The following CTNNA3 variants were observed in gnomAD, a reference collection of about 807,000 sequenced individuals.
CTNNA3 encodes the protein catenin alpha 3, also known as catenin alpha-3.
Under a neutral mutation model 95.7 loss-of-function variants are expected in CTNNA3, and 76 were observed. The observed-to-expected ratio is 0.79, with a 90% CI of 0.66 to 0.96. CTNNA3 has a LOEUF of 0.96. CTNNA3 is among the 40% of genes least tolerant of loss of function. The probability of loss-of-function intolerance (pLI) is 0.00; values close to 1 mark genes in which losing one functional copy is unlikely to be tolerated. For missense variants in CTNNA3, 1,191 were observed against 1,089.8 expected (o/e 1.09, Z -1.31); for synonymous variants, 431 against 374.4 (o/e 1.15, Z -1.74).
At position 67,119,057 on chromosome 10, in the gene CTNNA3, A is replaced by G. The variant is rs147497505; in HGVS notation, c.1047+61260T>C. 5.5e-3 allele frequency among the ~76,000 whole-genome samples: 843 copies of G among 152,072 alleles called. 7 individuals are homozygous for G. The highest frequency in any genetic ancestry group is 0.019 in the African/African-American group (789 of 41,558). On this transcript the variant is annotated intron_variant, in intron 7 of 17. Coordinates refer to ENST00000433211, the MANE Select transcript of CTNNA3 (RefSeq NM_013266.4). ...TGTTTGGGACTAAGAAAGTAGGCCAATATAACTGGAGTAAAGCCAAATACT... is the reference window on the plus strand; with the variant it reads ...TGTTTGGGACTAAGAAAGTAGGCCAGTATAACTGGAGTAAAGCCAAATACT...
intron 7 of CTNNA3, among the ~76,000 whole-genome samples, chr10:67,135,032 G>T (rs1001459908): frequency 1.4e-4 from 21 of 152,112 alleles, no homozygotes; most frequent in African/African-American, 5.1e-4. Context: ...AGATAGAGGG[G>T]TAATGTTCCT....
At chr10:66,131,209 A>T (rs183469724) in intron 13 of CTNNA3, among the ~76,000 whole-genome samples, 2 of 152,216 alleles carry the variant, frequency 1.3e-5, no homozygotes, top group Admixed American at 1.3e-4. Context: ...CCCCTCTTCA[A>T]CTCAATCTAT....
chr10:65,959,118 G>T (rs2077790027), intron 17 of CTNNA3, among the ~76,000 whole-genome samples: 1 of 152,144 alleles, frequency 6.6e-6, no homozygotes, highest in Non-Finnish European at 1.5e-5. Flanking sequence ...CAGCCTTGCT[G>T]CCACCTTGCA....
intron 10 of CTNNA3, among the ~76,000 whole-genome samples, chr10:66,552,371 C>G (rs927880914): frequency 2.6e-5 from 4 of 152,100 alleles, no homozygotes; most frequent in African/African-American, 9.7e-5. Flanking sequence ...TACAACTGGG[C>G]CCACTTTGGG....
rs1226965869 is a variant in CTNNA3 at position 67,673,499 on chromosome 10, G to A, written c.-6+22501C>T. 5.3e-5 allele frequency among the ~76,000 whole-genome samples: 8 copies of A among 151,718 alleles called. No individual in the cohort carries two copies. The East Asian group carries it at 1.6e-3, about 30-fold the overall frequency. On this transcript the variant is annotated intron_variant, in intron 1 of 17. Transcript: ENST00000433211. ...TCGGTATGATATTGGCTGTGGGTTTGTCATAGATAGCTCTTATTATTTTGA... is the reference window on the plus strand; with the variant it reads ...TCGGTATGATATTGGCTGTGGGTTTATCATAGATAGCTCTTATTATTTTGA...
At chr10:67,660,210 G>T (rs1315140205) in intron 1 of CTNNA3, among the ~76,000 whole-genome samples, 3 of 152,068 alleles carry the variant, frequency 2.0e-5, no homozygotes, top group Admixed American at 6.5e-5. Context: ...AGTTTCTCCA[G>T]GAACACTAGC....
At chr10:67,357,610 G>A (rs1385320476) in intron 5 of CTNNA3, among the ~76,000 whole-genome samples, 1 of 152,012 alleles carries the variant, frequency 6.6e-6, no homozygotes, top group Admixed American at 6.6e-5. Context: ...TTCTTCTTAA[G>A]ATAATTTATA....
At chr10:67,237,075 C>A (rs1734204906) in intron 5 of CTNNA3, among the ~76,000 whole-genome samples, 1 of 134,708 alleles carries the variant, frequency 7.4e-6, no homozygotes, top group African/African-American at 2.7e-5. Flanking sequence ...AATTGTGGAA[C>A]CAACCCAAAT....
At chr10:66,132,737 T>C (rs1297377468) in intron 13 of CTNNA3, among the ~76,000 whole-genome samples, 1 of 152,204 alleles carries the variant, frequency 6.6e-6, no homozygotes, top group East Asian at 1.9e-4. Context: ...AATGAGATCA[T>C]GTCTTTTACA....
At chr10:66,706,348 A>G (rs7894410) in intron 9 of CTNNA3, among the ~76,000 whole-genome samples, 56,818 of 151,074 alleles carry the variant, frequency 0.38, 11,083 homozygotes, top group Non-Finnish European at 0.41. Flanking sequence ...TTGTCAAAAG[A>G]TAGCTTATCT....
chr10:66,282,470 C>T (rs746947188), intron 12 of CTNNA3, among the ~76,000 whole-genome samples: 1 of 151,714 alleles, frequency 6.6e-6, no homozygotes, highest in Admixed American at 6.6e-5. Flanking sequence ...CTGAGTCATT[C>T]ATGAAAAAAA....
chr10:67,666,903 CAAG>C (rs1158537176), intron 1 of CTNNA3, among the ~76,000 whole-genome samples: 3 of 152,162 alleles, frequency 2.0e-5, no homozygotes, highest in Non-Finnish European at 4.4e-5. Context: ...GCAGAATTAC[CAAG>C]AAGAAGCAGA....
intron 5 of CTNNA3, among the ~76,000 whole-genome samples, chr10:67,297,766 G>A (rs1482063196): frequency 6.6e-6 from 1 of 152,138 alleles, no homozygotes; most frequent in African/African-American, 2.4e-5. Flanking sequence ...CTATTTTAAG[G>A]TTCACTGGAT....
At chr10:67,720,129 C>CTTTTATTTTTTTTT (rs1841170850) in intron 1 of CTNNA3, among the ~76,000 whole-genome samples, 1 of 6,614 alleles carries the variant, frequency 1.5e-4, no homozygotes. Context: ...GCAACCCCTG[C>CTTTTATTTTTTTTT]TTTTTTTTTT....
chr10:67,037,295 T>C (rs1332841735), intron 7 of CTNNA3, among the ~76,000 whole-genome samples: 3 of 152,024 alleles, frequency 2.0e-5, no homozygotes, highest in Non-Finnish European at 4.4e-5. Context: ...ATCCTTTCTC[T>C]TCTTTCATGT....
At chr10:66,385,330 A>G (rs555551289) in intron 11 of CTNNA3, among the ~76,000 whole-genome samples, 3 of 152,340 alleles carry the variant, frequency 2.0e-5, no homozygotes, top group East Asian at 3.9e-4. Context: ...CAAATAAACT[A>G]GAAAATCTAG....
At chr10:66,234,015 TC>T (rs2089729216) in intron 13 of CTNNA3, among the ~76,000 whole-genome samples, 1 of 152,164 alleles carries the variant, frequency 6.6e-6, no homozygotes, top group African/African-American at 2.4e-5. Context: ...TGTTCTCTGT[TC>T]CATTTATATA....
chr10:66,728,826 G>A (rs1046880604), intron 9 of CTNNA3, among the ~76,000 whole-genome samples: 1 of 152,150 alleles, frequency 6.6e-6, no homozygotes, highest in Non-Finnish European at 1.5e-5. Flanking sequence ...GACCTCAAGT[G>A]ATCTGCCCAC....
At chr10:67,549,662 G>C (rs150864055) in intron 3 of CTNNA3, among the ~76,000 whole-genome samples, 70 of 152,194 alleles carry the variant, frequency 4.6e-4, no homozygotes, top group African/African-American at 1.7e-3. Flanking sequence ...AGCCTGCCCT[G>C]TTTATGTGCA....
Sources: gnomAD v4.1 joint callset for allele counts (sites outside exome capture counted in the v4.1 genomes callset) on GRCh38, gnomAD v4.1.1 for gene constraint, MANE v1.5 for transcripts, NCBI Gene and HGNC (gene_info 2026-07-23, HGNC 2026-07-21) for gene names.